The following EBF3 variants were observed in gnomAD, a reference collection of about 807,000 sequenced individuals.
EBF3 encodes the protein transcription factor COE3.
A neutral mutation model predicts 77.1 loss-of-function variants in EBF3; 18 were observed. That is an observed-to-expected ratio of 0.23 (90% CI 0.16 to 0.35). EBF3 has a LOEUF of 0.35. EBF3 is among the 10% of genes least tolerant of loss of function. EBF3 has a pLI of 1.00. For synonymous variants in EBF3, 350 were observed against 343.5 expected, an observed-to-expected ratio of 1.02 and a Z score of -0.21; for missense variants, 558 against 860.0, an observed-to-expected ratio of 0.65 and a Z score of 4.39.
rs1849617170 is a variant in EBF3 at position 129,836,531 on chromosome 10, A to AAAG, written c.*1409_*1411dup. ...GACTATACAACAAACTTTTTTTTCAAAAGTATTTGTTCAGATAACTTAAAA... is the reference window on the plus strand; with the variant it reads ...GACTATACAACAAACTTTTTTTTCAAAAGAAGTATTTGTTCAGATAACTTAAAA... On this transcript the variant is annotated 3_prime_UTR_variant, in exon 17 of 17. Transcript: ENST00000440978. The AAAG allele has an allele frequency of 6.6e-6, 1 of 152,588 alleles. No homozygotes were observed. The highest frequency in any genetic ancestry group is 1.9e-4 in the East Asian group (1 of 5,206). The allele number at this position is 152,588 out of a possible 1,614,324, so 9.5% of individuals were successfully genotyped here.
intron 6 of EBF3, among the ~76,000 whole-genome samples, chr10:129,955,351 G>A (rs1195521045): frequency 1.3e-5 from 2 of 152,142 alleles, no homozygotes; most frequent in Non-Finnish European, 2.9e-5. Flanking sequence ...AAGCATTTAT[G>A]CCAGGCGTAA....
intron 16 of EBF3, among the ~76,000 whole-genome samples, chr10:129,838,660 C>CACATGAACT: frequency 6.6e-6 from 1 of 152,356 alleles, no homozygotes; most frequent in East Asian, 1.9e-4. Flanking sequence ...CTGACGCTTT[C>CACATGAACT]ACATGAACTC....
At chr10:129,932,285 G>T (rs929548590) in intron 6 of EBF3, among the ~76,000 whole-genome samples, 1 of 152,216 alleles carries the variant, frequency 6.6e-6, no homozygotes, top group South Asian at 2.1e-4. Flanking sequence ...TCACATTGGG[G>T]CATTCATTCC....
At chr10:129,958,257 T>C (rs766108774) in intron 5 of EBF3, among the ~76,000 whole-genome samples, 1 of 152,256 alleles carries the variant, frequency 6.6e-6, no homozygotes, top group Non-Finnish European at 1.5e-5. Flanking sequence ...GGCCTGCTAC[T>C]GTAGCCTGGA....
chr10:129,922,769 G>C (rs1007328463), intron 6 of EBF3, among the ~76,000 whole-genome samples: 3 of 152,218 alleles, frequency 2.0e-5, no homozygotes, highest in African/African-American at 7.2e-5. Flanking sequence ...GCTGGGGGCT[G>C]ACGGGACCAC....
At chr10:129,875,957 C>A (rs1852744180) in intron 7 of EBF3, among the ~76,000 whole-genome samples, 1 of 152,262 alleles carries the variant, frequency 6.6e-6, no homozygotes, top group South Asian at 2.1e-4. Flanking sequence ...GTAACTAACA[C>A]TGAGGTGCAG....
chr10:129,845,275 T>C (rs778344870), intron 11 of EBF3: 1 of 152,194 alleles, frequency 6.6e-6, no homozygotes, highest in Non-Finnish European at 1.5e-5. Flanking sequence ...TGTGAATACA[T>C]TAGCACCGAA....
At chr10:129,925,208 G>A (rs1434501834) in intron 6 of EBF3, among the ~76,000 whole-genome samples, 2 of 151,974 alleles carry the variant, frequency 1.3e-5, no homozygotes, top group East Asian at 3.9e-4. Flanking sequence ...GGGAGGCTGA[G>A]GCGGGCAGAT....
intron 7 of EBF3, among the ~76,000 whole-genome samples, chr10:129,877,524 C>G (rs1390263463): frequency 6.9e-6 from 1 of 144,062 alleles, no homozygotes; most frequent in Non-Finnish European, 1.5e-5. Context: ...GCCATGTTTT[C>G]AAAGCTAAGT....
At chr10:129,934,869 G>A (rs887072428) in intron 6 of EBF3, among the ~76,000 whole-genome samples, 11 of 152,176 alleles carry the variant, frequency 7.2e-5, no homozygotes, top group South Asian at 2.1e-4. Context: ...CTGGGCCCTC[G>A]GGAAACTTCT....
In EBF3 at chr10:129,867,806, G is replaced by A. The variant is rs779748537; in HGVS notation, c.888C>T (p.Phe296=). ...CCTCGCTCCACACCAACATAGTTCC[G>A]AATACAACTTGCAGCCCGTCAAAGA... ...DNFFDGLQVV[F]GTMLVWSELI... The change falls in exon 9 of 17, where the codon TTC becomes TTT. Residue 296 remains phenylalanine, a synonymous_variant. Transcript: ENST00000440978. 79 of 1,614,098 alleles carry A rather than the reference G, an allele frequency of 4.9e-5. No individual in the cohort carries two copies. Among genetic ancestry groups the A allele is most frequent in the Non-Finnish European group, 6.4e-5 (76 of 1,180,056 alleles).
At position 129,947,628 on chromosome 10, in the gene EBF3, C is replaced by T. The variant is rs1231049051; in HGVS notation, c.554+9630G>A. 2.0e-5 allele frequency among the ~76,000 whole-genome samples: 3 copies of T among 150,250 alleles called. No individual in the cohort carries two copies. Among genetic ancestry groups the T allele is most frequent in the Admixed American group, 1.3e-4 (2 of 15,064 alleles). On this transcript the variant is annotated intron_variant, in intron 6 of 16. Transcript: ENST00000440978. The surrounding 1 kb of genome is among the most constrained non-coding windows in gnomAD (Gnocchi z 4.5). ...GAAATTGAGCAATGCCACTTAAATT[C>T]TGAATATAAAGTTAAAATGTTTTCA... is the stretch of plus-strand genomic sequence containing the variant.
intron 6 of EBF3, among the ~76,000 whole-genome samples, chr10:129,954,554 G>A (rs147952528): frequency 1.8e-3 from 269 of 152,174 alleles, no homozygotes; most frequent in African/African-American, 6.1e-3. Flanking sequence ...CTGCCAGAGC[G>A]AGGAGCTTAC....
chr10:129,946,158 C>T (rs1387178729), intron 6 of EBF3, among the ~76,000 whole-genome samples: 2 of 152,244 alleles, frequency 1.3e-5, no homozygotes, highest in African/African-American at 2.4e-5. Context: ...CCCGCGGATT[C>T]CCTGCTTCTC....
In EBF3 at chr10:129,941,865, C is replaced by T. The variant is rs1270496476; in HGVS notation, c.554+15393G>A. ...AAAACTGCCAAGGGCAGACAGCAGC[C>T]ATTTGCGGGGTCATCCCAGGGCCAG... On this transcript the variant is annotated intron_variant, in intron 6 of 16. Coordinates refer to ENST00000440978, the MANE Select transcript of EBF3 (RefSeq NM_001375380.1). Among the ~76,000 whole-genome samples the T allele has an allele frequency of 2.0e-5, 3 of 151,884 alleles. No individual in the cohort carries two copies. In the East Asian group the frequency reaches 5.9e-4, roughly 30 times the overall value.
chr10:129,859,602 G>A (rs1851482433), intron 10 of EBF3, among the ~76,000 whole-genome samples: 1 of 152,222 alleles, frequency 6.6e-6, no homozygotes, highest in East Asian at 1.9e-4. Flanking sequence ...CTTTTTCTCA[G>A]GCTAGGCTTT....
intron 6 of EBF3, among the ~76,000 whole-genome samples, chr10:129,892,044 G>A (rs560788908): frequency 6.6e-6 from 1 of 152,232 alleles, no homozygotes; most frequent in South Asian, 2.1e-4. Context: ...TCTGGCCAAC[G>A]GCCTGCCTGA....
chr10:129,839,606 T>G (rs964140393), intron 15 of EBF3, among the ~76,000 whole-genome samples: 1 of 152,204 alleles, frequency 6.6e-6, no homozygotes, highest in Non-Finnish European at 1.5e-5. Flanking sequence ...GACTGCAACC[T>G]GGTGTTGGTA....
At chr10:129,898,398 A>G (rs1452030977) in intron 6 of EBF3, among the ~76,000 whole-genome samples, 1 of 152,186 alleles carries the variant, frequency 6.6e-6, no homozygotes, top group African/African-American at 2.4e-5. Context: ...GGGGCGGCTG[A>G]GAAAGGAAAT....
Sources: allele counts gnomAD v4.1 joint callset (sites outside exome capture counted in the v4.1 genomes callset), GRCh38; gene constraint gnomAD v4.1.1; non-coding constraint Gnocchi (gnomAD v3.1); transcripts MANE v1.5; gene names NCBI Gene and HGNC (gene_info 2026-07-23, HGNC 2026-07-21).